Variants in PTPN21 observed in about 807,000 individuals in gnomAD.
PTPN21 encodes protein tyrosine phosphatase non-receptor type 21.
PTPN21 carries 77 observed loss-of-function variants against 131.8 expected under a neutral mutation model. The ratio of observed to expected loss-of-function variants is 0.58; its 90% CI spans 0.49 to 0.71. The LOEUF (loss-of-function observed/expected upper bound fraction) is 0.71. Ranked by LOEUF, PTPN21 falls within the 30% of genes least tolerant of loss-of-function variation. The pLI, the probability that PTPN21 is intolerant of heterozygous loss-of-function variation, is 0.00. For missense variants in PTPN21, 1,552 were observed against 1,527.1 expected (o/e 1.02, Z -0.27); for synonymous variants, 715 against 621.3 (o/e 1.15, Z -2.24).
chr14:88,468,326 G>C, intron 18 of PTPN21, 61 bp from the exon 19 acceptor site: 1 of 1,465,114 alleles, frequency 6.8e-7, no homozygotes, highest in Non-Finnish European at 9.2e-7. Flanking sequence ...GAAAGGATGG[G>C]AGGACACGAG....
At chr14:88,473,070 C>G (rs2077495313) in intron 14 of PTPN21, among the ~76,000 whole-genome samples, 1 of 151,992 alleles carries the variant, frequency 6.6e-6, no homozygotes, top group African/African-American at 2.4e-5. Context: ...TCCTGGGGAA[C>G]AGTAAGTAAA....
intron 2 of PTPN21, among the ~76,000 whole-genome samples, chr14:88,537,380 G>A (rs1286984944): frequency 6.6e-6 from 1 of 152,108 alleles, no homozygotes; most frequent in Non-Finnish European, 1.5e-5. Context: ...CCTGGACAAT[G>A]AGATGCTATG....
At chr14:88,537,924 GTATCTACACTTATGTAAACA>G (rs1446354187) in intron 2 of PTPN21, among the ~76,000 whole-genome samples, 1 of 151,860 alleles carries the variant, frequency 6.6e-6, no homozygotes, top group Non-Finnish European at 1.5e-5. Context: ...TGGTATTTGT[GTATCTACACTTATGTAAACA>G]TAGGAAAGGT....
chr14:88,545,637 G>T (rs535960319), intron 2 of PTPN21, among the ~76,000 whole-genome samples: 48 of 152,260 alleles, frequency 3.2e-4, no homozygotes, highest in African/African-American at 1.1e-3. Context: ...CTGCTATAAC[G>T]AACAGCAATA....
chr14:88,524,976 C>T (rs72695847), intron 2 of PTPN21, among the ~76,000 whole-genome samples: 8 of 152,196 alleles, frequency 5.3e-5, no homozygotes, highest in Non-Finnish European at 8.8e-5. Context: ...GGCATGGTCA[C>T]TTATAGCTGT....
chr14:88,470,232 T>C, intron 15 of PTPN21, 182 bp from the exon 16 acceptor site: 1 of 615,478 alleles, frequency 1.6e-6, no homozygotes, highest in Non-Finnish European at 2.8e-6. Flanking sequence ...GAATACAATT[T>C]GCATTACTGA....
chr14:88,490,960 C>T (rs1237761927), intron 10 of PTPN21, among the ~76,000 whole-genome samples: 1 of 152,154 alleles, frequency 6.6e-6, no homozygotes, highest in Non-Finnish European at 1.5e-5. Context: ...TTATATAAAT[C>T]AGGGAGGGTG....
Position 88,550,252 on chromosome 14 carries a change from G to A in PTPN21, c.166C>T (p.Leu56=). ...AGGTGGCTTACCTCCCGCAGCTCCA[G>A]CCTCTGGGCCACGGCCTCGAGGCTT... ...QESLEAVAQR[L]ELREVTYFSL... The change falls in exon 2 of 19, where the codon CTG becomes TTG. Residue 56 remains leucine (L), a synonymous_variant. Transcript: ENST00000556564. The A allele has an allele frequency of 6.2e-7, 1 of 1,613,892 alleles. No homozygotes were observed. Among genetic ancestry groups the A allele is most frequent in the Non-Finnish European group, 8.5e-7 (1 of 1,179,938 alleles).
intron 2 of PTPN21, among the ~76,000 whole-genome samples, chr14:88,547,966 T>C (rs2078806923): frequency 6.6e-6 from 1 of 152,134 alleles, no homozygotes; most frequent in African/African-American, 2.4e-5. Flanking sequence ...ACTCAGTATT[T>C]CTAAAACTGA....
At chr14:88,489,151 G>A (rs982779679) in intron 10 of PTPN21, among the ~76,000 whole-genome samples, 2 of 152,192 alleles carry the variant, frequency 1.3e-5, no homozygotes, top group African/African-American at 4.8e-5. Flanking sequence ...GAGGCAAGAT[G>A]TGGTATCCCT....
At chr14:88,496,373 T>G in intron 10 of PTPN21, 40 bp downstream of exon 10, 1 of 1,503,078 alleles carries the variant, frequency 6.7e-7, no homozygotes, top group African/African-American at 1.4e-5. Flanking sequence ...ATTTCTAAAT[T>G]CATTATTTTT....
intron 13 of PTPN21, among the ~76,000 whole-genome samples, chr14:88,474,551 C>T (rs1465244073): frequency 1.3e-5 from 2 of 152,050 alleles, no homozygotes; most frequent in African/African-American, 4.8e-5. Context: ...GTTTCTGCAG[C>T]AGCCCCCTTT....
At chr14:88,537,290 G>T (rs150570483) in intron 2 of PTPN21, among the ~76,000 whole-genome samples, 1 of 152,226 alleles carries the variant, frequency 6.6e-6, no homozygotes, top group Non-Finnish European at 1.5e-5. Context: ...GACAATTTCA[G>T]GGACTGAAAG....
At chr14:88,508,324 A>G (rs1304089295) in intron 3 of PTPN21, among the ~76,000 whole-genome samples, 1 of 151,604 alleles carries the variant, frequency 6.6e-6, no homozygotes, top group Non-Finnish European at 1.5e-5. Context: ...AAATTTTTCT[A>G]TTTTTTACAG....
chr14:88,504,348 A>C, intron 6 of PTPN21, 77 bp downstream of exon 6: 1 of 1,143,832 alleles, frequency 8.7e-7, no homozygotes, highest in Non-Finnish European at 1.3e-6. Flanking sequence ...CATGTAAATT[A>C]AATATTTAAT....
At chr14:88,489,137 C>A (rs928538249) in intron 10 of PTPN21, among the ~76,000 whole-genome samples, 1 of 152,078 alleles carries the variant, frequency 6.6e-6, no homozygotes, top group African/African-American at 2.4e-5. Flanking sequence ...CTGTAAGCTC[C>A]GTGGAGGCAA....
In PTPN21 at chr14:88,550,334, T is replaced by G. The variant is rs751699086; in HGVS notation, c.84A>C (p.Gln28His). 1 of 1,614,222 alleles carries G rather than the reference T, an allele frequency of 6.2e-7. No homozygotes were observed. The highest frequency in any genetic ancestry group is 8.5e-7 in the Non-Finnish European group (1 of 1,180,028). ...ACTCCACAAACTCGTTATTAAGCAG[T>G]TGGATCCGGGCAACCAGGCAACTCT... is the stretch of plus-strand genomic sequence containing the variant. ...SSKSCLVARI[Q>H]LLNNEFVEFT... The change falls in exon 2 of 19, where the codon CAA becomes CAC. Residue 28 changes from glutamine (Q) to histidine (H), a missense_variant. Physicochemically the swap from Gln to His is conservative, Grantham distance 24 (BLOSUM62 0). Around this residue, in one of 4 missense-constraint regions of PTPN21, gnomAD observed 206 missense variants for 221.6 expected, o/e 0.93. Transcript: ENST00000556564.
chr14:88,513,076 G>A (rs1277368989), intron 3 of PTPN21, among the ~76,000 whole-genome samples: 3 of 152,086 alleles, frequency 2.0e-5, no homozygotes, highest in African/African-American at 7.2e-5. Flanking sequence ...AAGTTTCAAA[G>A]GTGAGCAATG....
intron 8 of PTPN21, chr14:88,499,410 T>C (rs904538352): frequency 3.3e-5 from 5 of 152,264 alleles, no homozygotes; most frequent in Admixed American, 2.6e-4. Context: ...TTTAGAAAGC[T>C]TGAGTAGTGT....
Sources: gnomAD v4.1 joint callset for allele counts (sites outside exome capture counted in the v4.1 genomes callset) on GRCh38, gnomAD v4.1.1 for gene constraint, gnomAD v4.1.1 regional missense constraint, MANE v1.5 for transcripts, NCBI Gene and HGNC (gene_info 2026-07-23, HGNC 2026-07-21) for gene names.